FBXO43: variants seen among roughly 807,000 people sequenced by gnomAD.
The protein encoded by FBXO43 is F-box only protein 43.
In FBXO43, 22 loss-of-function variants were observed where a neutral mutation model predicts 56.7. The observed-to-expected ratio is 0.39, with a 90% CI of 0.28 to 0.55. The LOEUF is 0.55. Ranked by LOEUF, FBXO43 falls within the 20% of genes least tolerant of loss-of-function variation. The probability of loss-of-function intolerance (pLI) is 0.66; values close to 1 mark genes in which losing one functional copy is unlikely to be tolerated. For missense variants in FBXO43, 733 were observed against 814.9 expected, an observed-to-expected ratio of 0.90 and a Z score of 1.22; for synonymous variants, 306 against 294.5, an observed-to-expected ratio of 1.04 and a Z score of -0.40.
intron 2 of FBXO43, among the ~76,000 whole-genome samples, chr8:100,138,863 C>A (rs929204063): frequency 6.6e-6 from 1 of 152,106 alleles, no homozygotes; most frequent in Non-Finnish European, 1.5e-5. Context: ...TGTAGTAAGA[C>A]CCCATCCATA....
rs745549576 is a variant in FBXO43, at chr8:100,141,208, G to C, written c.1046C>G (p.Ser349Cys). Residue 349 changes from serine (S) to cysteine (C), a missense_variant, in exon 2 of 5, where the codon TCT (serine) becomes TGT (cysteine). By Grantham distance (112) the Ser-to-Cys change is moderately radical. Coordinates refer to ENST00000428847, the MANE Select transcript of FBXO43 (RefSeq NM_001029860.4). ...TTCTTGAAAAGAACCCTCCTGGTCA[G>C]ACAGGGAATCTTCTGATTTCTCCAA... ...LSLEKSEDSLSDQEGSFQELL... is the reference protein window; with the variant it reads ...LSLEKSEDSLCDQEGSFQELL... 2.5e-6 allele frequency: 4 copies of C among 1,614,162 alleles called. No individual in the cohort carries two copies. The highest frequency in any genetic ancestry group is 2.5e-6 in the Non-Finnish European group (3 of 1,180,040).
chr8:100,144,960 GA>G, intron 1 of FBXO43, 90 bp downstream of exon 1: 13 of 1,351,264 alleles, frequency 9.6e-6, no homozygotes, highest in Admixed American at 3.2e-5. Context: ...AAAAGAAAAA[GA>G]AAAAAAAGAA....
upstream of FBXO43, among the ~76,000 whole-genome samples, chr8:100,147,176 G>C (rs73276989): frequency 6.0e-3 from 908 of 150,764 alleles, 15 homozygotes; most frequent in African/African-American, 0.022. Flanking sequence ...CCAACTATGT[G>C]CCAATTACTG....
At chr8:100,137,737 C>A in intron 2 of FBXO43, 70 bp from the exon 3 acceptor site, 2 of 1,103,928 alleles carry the variant, frequency 1.8e-6, no homozygotes, top group East Asian at 2.7e-5. Flanking sequence ...TATACGCTAA[C>A]TAATGAGAAA....
At position 100,140,691 on chromosome 8, in the gene FBXO43, G is replaced by T. The variant is rs947812445; in HGVS notation, c.1563C>A (p.Ser521Arg). ...CAACTCTTACTTCTTACCTGCATAG[G>T]CTCTCTGCGGTCAAGGACTCTAAAA... ...AMVLESLTAE[S>R]LCSVWKVSRN... Residue 521 changes from serine (S) to arginine (R), a missense_variant, in exon 2 of 5, where the codon AGC becomes AGA. By Grantham distance (110) the Ser-to-Arg change is moderately radical. Transcript: ENST00000428847. 6 of 1,588,194 alleles carry T rather than the reference G, an allele frequency of 3.8e-6. No homozygotes were observed. The highest frequency in any genetic ancestry group is 5.1e-6 in the Non-Finnish European group (6 of 1,171,320).
upstream of FBXO43, among the ~76,000 whole-genome samples, chr8:100,146,958 C>A (rs914297186): frequency 1.3e-5 from 2 of 152,216 alleles, no homozygotes; most frequent in African/African-American, 4.8e-5. Flanking sequence ...AACGATTCTC[C>A]TGCCTCAGCC....
At chr8:100,140,641 A>C (rs1563753200) in intron 2 of FBXO43, 42 bp downstream of exon 2, 1 of 1,496,378 alleles carries the variant, frequency 6.7e-7, no homozygotes, top group East Asian at 2.3e-5. Context: ...TTTTCAACTT[A>C]AAAAAAGAAG....
At chr8:100,142,788 A>G (rs922260033) in intron 1 of FBXO43, among the ~76,000 whole-genome samples, 1 of 152,206 alleles carries the variant, frequency 6.6e-6, no homozygotes, top group Non-Finnish European at 1.5e-5. Context: ...TCAATGAACT[A>G]CTAACACATT....
intron 2 of FBXO43, 34 bp downstream of exon 2, chr8:100,140,649 A>T (rs1182784028): frequency 6.6e-7 from 1 of 1,512,166 alleles, no homozygotes; most frequent in Admixed American, 2.3e-5. Context: ...TTAAAAAAAG[A>T]AGTTTTATTT....
chr8:100,149,909 C>T (rs1814888289), upstream of FBXO43, among the ~76,000 whole-genome samples: 2 of 152,174 alleles, frequency 1.3e-5, no homozygotes, highest in African/African-American at 4.8e-5. Flanking sequence ...TGTAAACGTT[C>T]TGAACCCAAC....
intron 1 of FBXO43, among the ~76,000 whole-genome samples, chr8:100,144,743 A>G (rs1407870523): frequency 6.6e-6 from 1 of 151,946 alleles, no homozygotes; most frequent in African/African-American, 2.4e-5. Context: ...CAACCTGGCT[A>G]ACACGGTGAA....
intron 2 of FBXO43, 140 bp downstream of exon 2, chr8:100,140,543 G>A (rs996215727): frequency 1.5e-5 from 10 of 676,414 alleles, no homozygotes; most frequent in African/African-American, 3.6e-5. Flanking sequence ...CTGTTGGGAC[G>A]TTCACTTAAA....
At position 100,141,280 on chromosome 8, in the gene FBXO43, C is replaced by T; in HGVS notation, c.974G>A (p.Arg325Lys). ...GTCTTCAGGCGTTGAAATACTGCCT[C>T]TCACTTCAGGTGAAGGAGAAAGTAT... ...SQILSPSPEV[R>K]GSISTPEDSG... is the part of the protein sequence containing the mutation. The change falls in exon 2 of 5, where the codon AGA (arginine) becomes AAA (lysine). Residue 325 changes from arginine to lysine, a missense_variant. Transcript: ENST00000428847. The T allele has an allele frequency of 6.2e-7, 1 of 1,614,162 alleles. No homozygotes were observed. Among genetic ancestry groups the T allele is most frequent in the Non-Finnish European group, 8.5e-7 (1 of 1,180,046 alleles).
At position 100,141,360 on chromosome 8, in the gene FBXO43, T is replaced by C. The variant is rs764169985; in HGVS notation, c.894A>G (p.Ile298Met). 1.2e-6 allele frequency: 2 copies of C among 1,613,394 alleles called. No homozygotes were observed. Among genetic ancestry groups the C allele is most frequent in the Non-Finnish European group, 1.7e-6 (2 of 1,180,034 alleles). Residue 298 changes from isoleucine to methionine, a missense_variant, in exon 2 of 5, where the codon ATA becomes ATG. Physicochemically the swap from Ile to Met is conservative, Grantham distance 10 (BLOSUM62 1). Coordinates refer to ENST00000428847, the MANE Select transcript of FBXO43 (RefSeq NM_001029860.4). ...SGTTCGTDED[I>M]FVTPISNLVA... ...CAAGATTACTTATCGGAGTCACAAA[T>C]ATGTCCTCATCTGTTCCACAAGTTG...
Position 100,133,780 on chromosome 8 carries a change from G to A in FBXO43, c.*22C>T. On this transcript the variant is annotated 3_prime_UTR_variant, in exon 5 of 5. Coordinates refer to ENST00000428847, the MANE Select transcript of FBXO43 (RefSeq NM_001029860.4). ...GTCAGATAAATAGAACACTGCATGG[G>A]GGAGTTCTATATTTAGTCTCTTCAG... 1.9e-6 allele frequency: 3 copies of A among 1,602,904 alleles called. No individual in the cohort carries two copies. Among genetic ancestry groups the A allele is most frequent in the South Asian group, 1.1e-5 (1 of 89,208 alleles).
At chr8:100,138,816 T>C (rs1327048670) in intron 2 of FBXO43, among the ~76,000 whole-genome samples, 1 of 152,164 alleles carries the variant, frequency 6.6e-6, no homozygotes, top group Non-Finnish European at 1.5e-5. Context: ...GGCAGGAGGA[T>C]TGCTAGAGCC....
chr8:100,133,998 T>G lies in FBXO43; in HGVS notation c.1931A>C (p.Gln644Pro). ...ATATGGCTGGTACTTAGCAGGGGAC[T>G]GGCACCTTGGGCAAGGTTTTAATGC... Reference protein sequence around the residue: ...DEALKPCPRCQSPAKYQPYKK... With the variant: ...DEALKPCPRCPSPAKYQPYKK... Residue 644 changes from glutamine to proline, a missense_variant, in exon 5 of 5, where the codon CAG becomes CCG. Gln to Pro is a moderately conservative substitution (Grantham distance 76). Coordinates refer to ENST00000428847, the MANE Select transcript of FBXO43 (RefSeq NM_001029860.4). 1 of 1,614,230 alleles carries G rather than the reference T, an allele frequency of 6.2e-7. No individual in the cohort carries two copies. Among genetic ancestry groups the G allele is most frequent in the Non-Finnish European group, 8.5e-7 (1 of 1,180,038 alleles).
In FBXO43 at chr8:100,145,221, A is replaced by G; in HGVS notation, c.-86T>C. 15 of 1,120,824 alleles carry G rather than the reference A, an allele frequency of 1.3e-5. No homozygotes were observed. The highest frequency in any genetic ancestry group is 5.8e-5 in the South Asian group (4 of 68,922). The allele number at this position is 1,120,824 out of a possible 1,614,324, so 69.4% of individuals were successfully genotyped here. ...GCAGCATCATGATTGCTCAAAGTCGAAGGGTACACAGGGTGCATGCCGCAG... is the reference window on the plus strand; with the variant it reads ...GCAGCATCATGATTGCTCAAAGTCGGAGGGTACACAGGGTGCATGCCGCAG... On this transcript the variant is annotated 5_prime_UTR_variant, in exon 1 of 5. Coordinates refer to ENST00000428847, the MANE Select transcript of FBXO43 (RefSeq NM_001029860.4).
chr8:100,148,132 G>GT (rs1814863859), upstream of FBXO43, among the ~76,000 whole-genome samples: 1 of 152,118 alleles, frequency 6.6e-6, no homozygotes, highest in African/African-American at 2.4e-5. Context: ...TTTGCCAATG[G>GT]TTAAGTAGAA....
Sources: allele counts gnomAD v4.1 joint callset (sites outside exome capture counted in the v4.1 genomes callset), GRCh38; gene constraint gnomAD v4.1.1; transcripts MANE v1.5; gene names NCBI Gene and HGNC (gene_info 2026-07-23, HGNC 2026-07-21).